Variants in ANXA8 observed in about 807,000 individuals in gnomAD.
ANXA8 encodes the protein annexin A8.
ANXA8 carries 9 observed loss-of-function variants against 26.8 expected under a neutral mutation model. The ratio of observed to expected loss-of-function variants is 0.34; its 90% CI spans 0.20 to 0.59. The LOEUF is 0.59. Among genes scored for constraint, ANXA8 ranks in the 20% least tolerant of loss-of-function variants. The pLI is 0.84. For synonymous variants in ANXA8, 39 were observed against 94.8 expected (o/e 0.41, Z 3.42); for missense variants, 83 against 238.5 (o/e 0.35, Z 4.29).
chr10:47,501,794 T>C, the ANXA8 span: 6 of 460,696 alleles, frequency 1.3e-5, no homozygotes, highest in Non-Finnish European at 2.3e-5. Flanking sequence ...TTTTCAAATA[T>C]ATTTTCACAC....
At chr10:47,968,095 CAT>C in the ANXA8 span, among the ~76,000 whole-genome samples, 2 of 151,178 alleles carry the variant, frequency 1.3e-5, no homozygotes, top group Non-Finnish European at 3.0e-5. Context: ...TGCCCATACA[CAT>C]GAGTATTTGT....
chr10:47,474,023 T>C lies in ANXA8; in HGVS notation c.689A>G (p.Asp230Gly), dbSNP rs1186059311. The C allele has an allele frequency of 2.0e-5, 11 of 553,898 alleles. No individual in the cohort carries two copies. Among genetic ancestry groups the C allele is most frequent in the Non-Finnish European group, 3.4e-5 (11 of 323,358 alleles). The allele number at this position is 553,898 out of a possible 1,614,324, so 34.3% of individuals were successfully genotyped here. A position where few individuals can be genotyped will look rare whatever the true frequency, so the allele number is the denominator to read the frequency against. Residue 230 changes from aspartate (D) to glycine (G), a missense_variant, in exon 9 of 12, where the codon GAC becomes GGC. Physicochemically the swap from Asp to Gly is moderately conservative, Grantham distance 94. Around this residue, in one of 6 missense-constraint regions of ANXA8, gnomAD observed 28 missense variants for 37.7 expected, o/e 0.74. Coordinates refer to ENST00000585281, the MANE Select transcript of ANXA8 (RefSeq NM_001040084.3). ...YEKIANKSIE[D>G]SIKSETHGSL... ...GCCATGGGTCTCACTCTTGATGCTGTCCTCAATGCTCTTGTTGGCAATTTT... is the reference window on the plus strand; with the variant it reads ...GCCATGGGTCTCACTCTTGATGCTGCCCTCAATGCTCTTGTTGGCAATTTT...
At chr10:47,495,995 G>A in the ANXA8 span, among the ~76,000 whole-genome samples, 15 of 151,612 alleles carry the variant, frequency 9.9e-5, no homozygotes, top group African/African-American at 2.2e-4. Flanking sequence ...CAAGAGAGGC[G>A]GGAACACTTG....
chr10:47,494,840 G>C, the ANXA8 span, among the ~76,000 whole-genome samples: 2 of 152,016 alleles, frequency 1.3e-5, no homozygotes, highest in Non-Finnish European at 2.9e-5. Flanking sequence ...GTTCACAGAA[G>C]TGTGGACCGA....
the ANXA8 span, among the ~76,000 whole-genome samples, chr10:47,700,580 T>C: frequency 6.6e-6 from 1 of 151,624 alleles, no homozygotes; most frequent in East Asian, 1.9e-4. Flanking sequence ...TCCTCTGTAA[T>C]CTTGGTGTAG....
the ANXA8 span, among the ~76,000 whole-genome samples, chr10:47,613,965 T>C: frequency 1.4e-5 from 1 of 73,692 alleles, no homozygotes; most frequent in African/African-American, 3.9e-5. Context: ...GCCCAGGGGT[T>C]GGGACCCCTG....
the ANXA8 span, among the ~76,000 whole-genome samples, chr10:47,489,308 GCA>G: frequency 6.9e-6 from 1 of 143,906 alleles, no homozygotes; most frequent in Non-Finnish European, 1.5e-5. Context: ...ATGAGCCACC[GCA>G]CCCTGCCATG....
At chr10:47,952,902 T>C in the ANXA8 span, among the ~76,000 whole-genome samples, 1 of 147,288 alleles carries the variant, frequency 6.8e-6, no homozygotes, top group East Asian at 2.2e-4. Context: ...TTTGAATAAA[T>C]GGTGCTAAAA....
At chr10:47,515,715 C>T in the ANXA8 span, among the ~76,000 whole-genome samples, 1 of 140,818 alleles carries the variant, frequency 7.1e-6, no homozygotes, top group African/African-American at 2.6e-5. Flanking sequence ...CTTTTCCTTT[C>T]CAGGCCTGCT....
the ANXA8 span, among the ~76,000 whole-genome samples, chr10:47,670,874 G>A: frequency 6.6e-6 from 1 of 150,740 alleles, no homozygotes; most frequent in Non-Finnish European, 1.5e-5. Flanking sequence ...ATGTAATGAT[G>A]ACAGAATTGG....
At chr10:47,548,975 G>A in the ANXA8 span, among the ~76,000 whole-genome samples, 1 of 152,276 alleles carries the variant, frequency 6.6e-6, no homozygotes, top group Non-Finnish European at 1.5e-5. Flanking sequence ...AGAAGAAATG[G>A]TACTTACTAT....
At chr10:47,582,920 G>GCAGTCCTGCAGGTGGGC in the ANXA8 span, among the ~76,000 whole-genome samples, 1 of 22,818 alleles carries the variant, frequency 4.4e-5, no homozygotes, top group South Asian at 1.5e-3. Context: ...CCGCAGTCCT[G>GCAGTCCTGCAGGTGGGC]CAGTCCTGCA....
At chr10:47,684,262 T>C in the ANXA8 span, among the ~76,000 whole-genome samples, 31 of 152,354 alleles carry the variant, frequency 2.0e-4, no homozygotes, top group African/African-American at 6.5e-4. Context: ...ATCATACATA[T>C]TTTGTTTCCC....
At chr10:47,656,108 C>G in the ANXA8 span, among the ~76,000 whole-genome samples, 1 of 150,540 alleles carries the variant, frequency 6.6e-6, no homozygotes, top group Non-Finnish European at 1.5e-5. Flanking sequence ...TTTTTAAAAA[C>G]GTTTTAGGCT....
the ANXA8 span, among the ~76,000 whole-genome samples, chr10:47,882,166 C>CA: frequency 1.5e-5 from 2 of 134,892 alleles, no homozygotes; most frequent in African/African-American, 5.5e-5. Flanking sequence ...CTGGAGTTGC[C>CA]AAGACATGTT....
chr10:47,672,799 A>G, the ANXA8 span, among the ~76,000 whole-genome samples: 3 of 151,854 alleles, frequency 2.0e-5, no homozygotes, highest in Non-Finnish European at 2.9e-5. Context: ...GTCTGGGGAA[A>G]GAATTCAGCT....
chr10:47,718,160 C>T, the ANXA8 span, among the ~76,000 whole-genome samples: 393 of 152,200 alleles, frequency 2.6e-3, no homozygotes, highest in Non-Finnish European at 4.5e-3. Flanking sequence ...AAATAAAAAT[C>T]GAAATTTTTT....
At chr10:47,580,673 G>A in the ANXA8 span, among the ~76,000 whole-genome samples, 1 of 149,536 alleles carries the variant, frequency 6.7e-6, no homozygotes, top group Non-Finnish European at 1.5e-5. Context: ...AGCTTGGGAG[G>A]CAGAGGCTGC....
the ANXA8 span, among the ~76,000 whole-genome samples, chr10:47,689,244 A>G: frequency 6.6e-6 from 1 of 151,394 alleles, no homozygotes; most frequent in African/African-American, 2.4e-5. Flanking sequence ...CAGTGGTGCA[A>G]TCTAGGCTCA....
Sources: allele counts gnomAD v4.1 joint callset (sites outside exome capture counted in the v4.1 genomes callset), GRCh38; gene constraint gnomAD v4.1.1; regional missense constraint gnomAD v4.1.1; transcripts MANE v1.5; gene names NCBI Gene and HGNC (gene_info 2026-07-23, HGNC 2026-07-21).